The following TENT5C variants were observed in gnomAD, a reference collection of about 807,000 sequenced individuals.
TENT5C encodes family with sequence similarity 46 member C.
In TENT5C, 5 loss-of-function variants were observed where a neutral mutation model predicts 22.2. The ratio of observed to expected loss-of-function variants is 0.22; its 90% CI spans 0.12 to 0.47. The LOEUF is 0.47. Ranked by LOEUF, TENT5C falls within the 20% of genes least tolerant of loss-of-function variation. TENT5C has a pLI of 0.99. For missense variants in TENT5C, 364 were observed against 500.9 expected, an observed-to-expected ratio of 0.73 and a Z score of 2.61; for synonymous variants, 199 against 195.4, an observed-to-expected ratio of 1.02 and a Z score of -0.15.
At chr1:117,606,464 C>T (rs760931645) in intron 1 of TENT5C, among the ~76,000 whole-genome samples, 18 of 152,216 alleles carry the variant, frequency 1.2e-4, no homozygotes, top group Non-Finnish European at 2.4e-4. Flanking sequence ...GTTCCTGCTC[C>T]GCGCGTCCTG....
At position 117,622,822 on chromosome 1, in the gene TENT5C, T is replaced by TTC. The variant is rs1249793670; in HGVS notation, c.-27-17_-27-16dup. 1.3e-6 allele frequency: 2 copies of TTC among 1,555,244 alleles called. No individual in the cohort carries two copies. The highest frequency in any genetic ancestry group is 3.4e-5 in the Admixed American group (2 of 58,912). ...ATGTAGAAGTGAATCCTAACTCTGCTTCTCACCCCTCACTTTCAGTTTCCC... is the reference window on the plus strand; with the variant it reads ...ATGTAGAAGTGAATCCTAACTCTGCTTCTCTCACCCCTCACTTTCAGTTTCCC... On this transcript the variant is annotated intron_variant, in intron 1 of 1. Coordinates refer to ENST00000369448, the MANE Select transcript of TENT5C (RefSeq NM_017709.4).
intron 1 of TENT5C, among the ~76,000 whole-genome samples, chr1:117,619,921 A>G (rs1311225827): frequency 6.6e-6 from 1 of 152,174 alleles, no homozygotes. Context: ...GTTTTGTGAT[A>G]TCTGTTACAG....
At chr1:117,613,003 G>A (rs7412994) in intron 1 of TENT5C, among the ~76,000 whole-genome samples, 1 of 152,190 alleles carries the variant, frequency 6.6e-6, no homozygotes, top group East Asian at 1.9e-4. Context: ...TGTAAGCTGA[G>A]TCATTCTTAC....
At chr1:117,620,604 C>T (rs1350509536) in intron 1 of TENT5C, among the ~76,000 whole-genome samples, 1 of 152,166 alleles carries the variant, frequency 6.6e-6, no homozygotes, top group African/African-American at 2.4e-5. Context: ...CGGGCCAATA[C>T]CAGTCCGTGG....
chr1:117,608,085 A>G (rs533478599), intron 1 of TENT5C, among the ~76,000 whole-genome samples: 1 of 150,804 alleles, frequency 6.6e-6, no homozygotes, highest in Non-Finnish European at 1.5e-5. Flanking sequence ...AGTTTAAAAA[A>G]AAAAAAAAAC....
rs1653937513 is a variant in TENT5C at position 117,623,197 on chromosome 1, A to T, written c.329A>T (p.Asp110Val). 8.7e-6 allele frequency: 14 copies of T among 1,614,106 alleles called. No homozygotes were observed. Among genetic ancestry groups the T allele is most frequent in the Non-Finnish European group, 1.2e-5 (14 of 1,180,018 alleles). Residue 110 changes from aspartate (D) to valine (V), a missense_variant, in exon 2 of 2, where the codon GAT becomes GTT. By Grantham distance (152) the Asp-to-Val change is radical (BLOSUM62 -3). Around this residue, in one of 3 missense-constraint regions of TENT5C, gnomAD observed 303 missense variants for 394.5 expected, o/e 0.77. Coordinates refer to ENST00000369448, the MANE Select transcript of TENT5C (RefSeq NM_017709.4). ...PTEAEFQLVR[D>V]VVLCSLLNFL... is the part of the protein sequence containing the mutation. Reference sequence around the variant, plus strand: ...GAGGCAGAATTTCAGCTGGTTAGAGATGTGGTTCTGTGTTCCCTTCTGAAC... The same window carrying T: ...GAGGCAGAATTTCAGCTGGTTAGAGTTGTGGTTCTGTGTTCCCTTCTGAAC...
intron 1 of TENT5C, among the ~76,000 whole-genome samples, chr1:117,617,765 G>T (rs948916999): frequency 6.6e-6 from 1 of 152,160 alleles, no homozygotes. Context: ...TTGATTTAAC[G>T]TGGTTAATTA....
Position 117,625,425 on chromosome 1 carries a change from TGAAA to T in TENT5C, c.*1387_*1390del. ...AAGAAAAACAGTGTTAATCTGTAGT[TGAAA>T]GAAAGCTTAGTAGATGAGAGAGTTC... On this transcript the variant is annotated 3_prime_UTR_variant, in exon 2 of 2. Transcript: ENST00000369448. The T allele has an allele frequency of 4.0e-6, 1 of 248,200 alleles. No individual in the cohort carries two copies. The highest frequency in any genetic ancestry group is 8.5e-6 in the Non-Finnish European group (1 of 118,134). 15.4% of individuals were successfully genotyped at this position (248,200 alleles called of 1,614,324 possible).
In TENT5C at chr1:117,623,267, T is replaced by C; in HGVS notation, c.399T>C (p.Thr133=). 5 of 1,614,070 alleles carry C rather than the reference T, an allele frequency of 3.1e-6. No homozygotes were observed. Among genetic ancestry groups the C allele is most frequent in the Non-Finnish European group, 4.2e-6 (5 of 1,180,020 alleles). Residue 133 remains threonine (T), a synonymous_variant, in exon 2 of 2, where the codon ACT becomes ACC. Coordinates refer to ENST00000369448, the MANE Select transcript of TENT5C (RefSeq NM_017709.4). ...GVNKLKISPV[T]LKEAYVQKLV... Reference sequence around the variant, plus strand: ...ACAAGCTCAAAATCAGTCCAGTCACTCTGAAGGAGGCATATGTGCAGAAGC... The same window carrying C: ...ACAAGCTCAAAATCAGTCCAGTCACCCTGAAGGAGGCATATGTGCAGAAGC...
intron 1 of TENT5C, among the ~76,000 whole-genome samples, chr1:117,619,093 T>C (rs979413919): frequency 2.6e-5 from 4 of 152,220 alleles, no homozygotes; most frequent in African/African-American, 7.2e-5. Context: ...TGAATACTTA[T>C]AGCTTTATAA....
chr1:117,627,561 G>T lies in TENT5C; in HGVS notation c.*3517G>T, dbSNP rs1434523861. On this transcript the variant is annotated 3_prime_UTR_variant, in exon 2 of 2. Transcript: ENST00000369448. ...GAGACGAGACCCTGACGCTCATAGA[G>T]GCCATTCCTTCCTGGGTGTCGGACC... 2 of 248,030 alleles carry T rather than the reference G, an allele frequency of 8.1e-6. No individual in the cohort carries two copies. Among genetic ancestry groups the T allele is most frequent in the Non-Finnish European group, 1.7e-5 (2 of 118,130 alleles). The allele number at this position is 248,030 out of a possible 1,614,324, so 15.4% of individuals were successfully genotyped here.
At chr1:117,621,599 A>G (rs1452289800) in intron 1 of TENT5C, among the ~76,000 whole-genome samples, 1 of 152,158 alleles carries the variant, frequency 6.6e-6, no homozygotes, top group East Asian at 1.9e-4. Flanking sequence ...ATGCATGCCG[A>G]TGTGTATTCA....
intron 1 of TENT5C, among the ~76,000 whole-genome samples, chr1:117,606,597 C>T (rs1380944376): frequency 6.6e-6 from 1 of 152,196 alleles, no homozygotes; most frequent in African/African-American, 2.4e-5. Flanking sequence ...CTTGCAGTCC[C>T]TCGGGCTCGC....
Position 117,624,003 on chromosome 1 carries a change from A to G in TENT5C, c.1135A>G (p.Thr379Ala). Reference sequence around the variant, plus strand: ...CTACTACGTTGCCCATCCTCCAGTCACCTACAGCCAGCCTTACCCTACCTG... The same window carrying G: ...CTACTACGTTGCCCATCCTCCAGTCGCCTACAGCCAGCCTTACCCTACCTG... The part of the protein sequence containing the change: ...SNYYVAHPPV[T>A]YSQPYPTWLP... Residue 379 changes from threonine to alanine, a missense_variant, in exon 2 of 2, where the codon ACC becomes GCC. By Grantham distance (58) the Thr-to-Ala change is moderately conservative. Around this residue, in one of 3 missense-constraint regions of TENT5C, gnomAD observed 54 missense variants for 76.5 expected, o/e 0.71. Transcript: ENST00000369448. 1 of 1,613,682 alleles carries G rather than the reference A, an allele frequency of 6.2e-7. No individual in the cohort carries two copies. Among genetic ancestry groups the G allele is most frequent in the Non-Finnish European group, 8.5e-7 (1 of 1,179,924 alleles).
chr1:117,626,922 C>G lies in TENT5C; in HGVS notation c.*2878C>G, dbSNP rs1360681536. The G allele has an allele frequency of 4.0e-6, 1 of 248,076 alleles. No individual in the cohort carries two copies. The highest frequency in any genetic ancestry group is 8.5e-6 in the Non-Finnish European group (1 of 118,136). 15.4% of individuals were successfully genotyped at this position (248,076 alleles called of 1,614,324 possible). On this transcript the variant is annotated 3_prime_UTR_variant, in exon 2 of 2. Coordinates refer to ENST00000369448, the MANE Select transcript of TENT5C (RefSeq NM_017709.4). The stretch of plus-strand genomic sequence containing the variant: ...TGAGATGAAGACAGTACCTTTTCCT[C>G]TCACATTGGCAGAATAGCACGCACT...
intron 1 of TENT5C, among the ~76,000 whole-genome samples, chr1:117,611,815 G>A (rs921799233): frequency 7.2e-5 from 11 of 152,346 alleles, no homozygotes; most frequent in African/African-American, 2.6e-4. Context: ...CCACGGCACT[G>A]CAGCCTTGGC....
Position 117,622,913 on chromosome 1 carries a change from C to T in TENT5C, c.45C>T (p.Ser15=), listed in dbSNP as rs1342674020. 5 of 1,614,002 alleles carry T rather than the reference C, an allele frequency of 3.1e-6. No individual in the cohort carries two copies. Among genetic ancestry groups the T allele is most frequent in the East Asian group, 4.5e-5 (2 of 44,880 alleles). The change falls in exon 2 of 2, where the codon AGC becomes AGT. Residue 15 remains serine, a synonymous_variant. Coordinates refer to ENST00000369448, the MANE Select transcript of TENT5C (RefSeq NM_017709.4). ...GTACCAGGGATTGCATGTCCTTCAG[C>T]GTGCTCAACTGGGATCAGGTTAGCC... is the stretch of plus-strand genomic sequence containing the variant. ...SSCTRDCMSF[S]VLNWDQVSRL...
rs539806560 is a variant in TENT5C, at chr1:117,606,715, T to G, written c.-28+562T>G. On this transcript the variant is annotated intron_variant, in intron 1 of 1. Transcript: ENST00000369448. ...GAGACGCAGCGGTCCGGGGCTTGGA[T>G]CTGGTTGGGGAGGGGAGGGGCGCTT... 1.3e-3 allele frequency among the ~76,000 whole-genome samples: 198 copies of G among 152,126 alleles called. 1 individual carries two copies. Among genetic ancestry groups the G allele is most frequent in the African/African-American group, 4.6e-3 (192 of 41,518 alleles).
chr1:117,617,114 C>T (rs3820504), intron 1 of TENT5C, among the ~76,000 whole-genome samples: 1 of 152,152 alleles, frequency 6.6e-6, no homozygotes, highest in Non-Finnish European at 1.5e-5. Flanking sequence ...GCTCGCCCAC[C>T]TTGGGTTCCT....
Sources: allele counts gnomAD v4.1 joint callset (sites outside exome capture counted in the v4.1 genomes callset), GRCh38; gene constraint gnomAD v4.1.1; regional missense constraint gnomAD v4.1.1; transcripts MANE v1.5; gene names NCBI Gene and HGNC (gene_info 2026-07-23, HGNC 2026-07-21).